The following NKAIN2 variants were observed in gnomAD, a reference collection of about 807,000 sequenced individuals.
The protein encoded by NKAIN2 is sodium/potassium-transporting ATPase subunit beta-1-interacting protein 2.
NKAIN2 carries 14 observed loss-of-function variants against 32.6 expected under a neutral mutation model. That is an observed-to-expected ratio of 0.43 (90% CI 0.28 to 0.67). NKAIN2 has a LOEUF of 0.67. Among genes scored for constraint, NKAIN2 ranks in the 30% least tolerant of loss-of-function variants. NKAIN2 has a pLI of 0.17. For missense variants in NKAIN2, 198 were observed against 258.3 expected (o/e 0.77, Z 1.60); for synonymous variants, 80 against 87.2 (o/e 0.92, Z 0.46).
intron 1 of NKAIN2, among the ~76,000 whole-genome samples, chr6:124,148,027 T>C (rs536325081): frequency 6.6e-6 from 1 of 152,294 alleles, no homozygotes; most frequent in South Asian, 2.1e-4. Context: ...TTATTTGATA[T>C]AGGTATTCTA....
At chr6:123,818,871 A>G (rs1773807560) in intron 1 of NKAIN2, among the ~76,000 whole-genome samples, 1 of 152,182 alleles carries the variant, frequency 6.6e-6, no homozygotes, top group African/African-American at 2.4e-5. Flanking sequence ...ACAAACAAAC[A>G]AAACGTTATA....
chr6:124,738,245 T>C (rs953703451), intron 4 of NKAIN2, among the ~76,000 whole-genome samples: 2 of 151,912 alleles, frequency 1.3e-5, no homozygotes, highest in African/African-American at 4.8e-5. Flanking sequence ...ACTGCAATTT[T>C]AAAAGTTTTG....
intron 1 of NKAIN2, among the ~76,000 whole-genome samples, chr6:123,929,788 A>AT (rs887254216): frequency 8.6e-5 from 13 of 151,950 alleles, no homozygotes; most frequent in Non-Finnish European, 2.9e-5. Flanking sequence ...CAGATTTCAG[A>AT]TTTTTTTAGG....
chr6:124,017,964 CTT>C (rs1780667021), intron 1 of NKAIN2, among the ~76,000 whole-genome samples: 2 of 152,232 alleles, frequency 1.3e-5, no homozygotes, highest in South Asian at 4.1e-4. Flanking sequence ...CCACATTTCC[CTT>C]CTGCACTGCC....
chr6:124,439,406 C>T lies in NKAIN2; in HGVS notation c.273+84059C>T, dbSNP rs189010131. The stretch of plus-strand genomic sequence containing the variant: ...AACACTCTCATCTGTTTTGGGTGGA[C>T]GACTACACGGGGCCTGCTCATGAGG... On this transcript the variant is annotated intron_variant, in intron 3 of 6. Coordinates refer to ENST00000368417, the MANE Select transcript of NKAIN2 (RefSeq NM_001040214.3). Among the ~76,000 whole-genome samples, 8 of 151,628 alleles carry T rather than the reference C, an allele frequency of 5.3e-5. No individual in the cohort carries two copies. In the East Asian group the frequency reaches 5.8e-4, roughly 11 times the overall value.
chr6:123,938,868 G>C (rs960501741), intron 1 of NKAIN2, among the ~76,000 whole-genome samples: 9 of 151,566 alleles, frequency 5.9e-5, no homozygotes, highest in African/African-American at 1.9e-4. Context: ...CCATATGGTG[G>C]GTTAGTTCTT....
intron 3 of NKAIN2, among the ~76,000 whole-genome samples, chr6:124,491,154 A>G (rs976598422): frequency 5.9e-5 from 9 of 151,948 alleles, no homozygotes; most frequent in African/African-American, 1.4e-4. Context: ...AAGTGCTAGC[A>G]CATGTGCCAT....
At chr6:124,793,835 T>C (rs1426554146) in intron 5 of NKAIN2, among the ~76,000 whole-genome samples, 1 of 152,164 alleles carries the variant, frequency 6.6e-6, no homozygotes, top group East Asian at 1.9e-4. Flanking sequence ...TCACATTACC[T>C]TGAGGCCAGA....
intron 3 of NKAIN2, among the ~76,000 whole-genome samples, chr6:124,441,241 C>G (rs1044891726): frequency 1.3e-5 from 2 of 152,048 alleles, no homozygotes; most frequent in Admixed American, 6.6e-5. Flanking sequence ...AATCTCTAGA[C>G]TCTAGTTCTG....
intron 4 of NKAIN2, among the ~76,000 whole-genome samples, chr6:124,702,971 A>T (rs1774874220): frequency 6.6e-6 from 1 of 152,228 alleles, no homozygotes; most frequent in East Asian, 1.9e-4. Context: ...AAAACAAATT[A>T]AAAGTAAACT....
At chr6:124,807,491 T>C (rs1209733466) in intron 5 of NKAIN2, among the ~76,000 whole-genome samples, 1 of 149,158 alleles carries the variant, frequency 6.7e-6, no homozygotes, top group Non-Finnish European at 1.5e-5. Context: ...TTCAAAGCAG[T>C]GTGTAGAGGG....
intron 3 of NKAIN2, among the ~76,000 whole-genome samples, chr6:124,596,663 GGTGTGTGTGTGTGTGTGT>G (rs9321001): frequency 3.2e-4 from 45 of 142,516 alleles, no homozygotes; most frequent in Non-Finnish European, 5.8e-4. Context: ...TAAACCATAG[GGTGTGTGTGTGTGTGTGT>G]GTGTGTGTGT....
At chr6:123,973,120 T>C (rs954666736) in intron 1 of NKAIN2, among the ~76,000 whole-genome samples, 4 of 152,114 alleles carry the variant, frequency 2.6e-5, no homozygotes, top group Admixed American at 2.6e-4. Context: ...CTAAGCAATC[T>C]TCTCTGTGCT....
chr6:124,340,057 C>T (rs150605865), intron 2 of NKAIN2, among the ~76,000 whole-genome samples: 8 of 152,024 alleles, frequency 5.3e-5, no homozygotes, highest in Non-Finnish European at 1.0e-4. Context: ...ATAGGGAAAG[C>T]CCCTTTTATT....
At chr6:124,164,443 G>A (rs1788432223) in intron 1 of NKAIN2, among the ~76,000 whole-genome samples, 1 of 151,988 alleles carries the variant, frequency 6.6e-6, no homozygotes, top group Admixed American at 6.6e-5. Context: ...AGTTTCTTTT[G>A]ATGATATCAC....
At chr6:124,267,458 A>G (rs1794551370) in intron 1 of NKAIN2, among the ~76,000 whole-genome samples, 1 of 149,962 alleles carries the variant, frequency 6.7e-6, no homozygotes, top group Non-Finnish European at 1.5e-5. Context: ...AGCGTGGCCA[A>G]TAATATGGCA....
intron 3 of NKAIN2, among the ~76,000 whole-genome samples, chr6:124,625,071 A>AAGTC (rs940045187): frequency 1.4e-4 from 22 of 152,126 alleles, no homozygotes; most frequent in Non-Finnish European, 2.8e-4. Context: ...TAGGAAGAAC[A>AAGTC]AGTCATTTTC....
At chr6:124,212,851 G>A (rs1422743862) in intron 1 of NKAIN2, among the ~76,000 whole-genome samples, 1 of 151,990 alleles carries the variant, frequency 6.6e-6, no homozygotes, top group Non-Finnish European at 1.5e-5. Flanking sequence ...GACTCAAAAT[G>A]ATGCAACTTT....
intron 5 of NKAIN2, among the ~76,000 whole-genome samples, chr6:124,806,131 A>G (rs1019714082): frequency 5.3e-5 from 8 of 152,148 alleles, no homozygotes; most frequent in Non-Finnish European, 1.0e-4. Context: ...TTCAGGAAAT[A>G]CAGAGAACAC....
Sources: allele counts gnomAD v4.1 joint callset (sites outside exome capture counted in the v4.1 genomes callset), GRCh38; gene constraint gnomAD v4.1.1; transcripts MANE v1.5; gene names NCBI Gene and HGNC (gene_info 2026-07-23, HGNC 2026-07-21).